Variants in HHAT observed in about 807,000 individuals in gnomAD.
HHAT encodes protein-cysteine N-palmitoyltransferase HHAT.
In HHAT, 47 loss-of-function variants were observed where a neutral mutation model predicts 70.8. The observed-to-expected ratio is 0.66, with a 90% CI of 0.53 to 0.85. HHAT has a LOEUF of 0.85. Among genes scored for constraint, HHAT ranks in the 40% least tolerant of loss-of-function variants. The probability of loss-of-function intolerance (pLI) is 0.00; values close to 1 mark genes in which losing one functional copy is unlikely to be tolerated. For synonymous variants in HHAT, 228 were observed against 247.6 expected (o/e 0.92, Z 0.74); for missense variants, 609 against 604.8 (o/e 1.01, Z -0.07).
At chr1:210,571,471 A>G (rs1382646823) in intron 9 of HHAT, among the ~76,000 whole-genome samples, 2 of 152,072 alleles carry the variant, frequency 1.3e-5, no homozygotes, top group Non-Finnish European at 1.5e-5. Flanking sequence ...CACATCTTTC[A>G]TTTGGACCCA....
At chr1:210,370,053 C>G (rs55704833) in intron 3 of HHAT, among the ~76,000 whole-genome samples, 1 of 151,794 alleles carries the variant, frequency 6.6e-6, no homozygotes, top group East Asian at 1.9e-4. Flanking sequence ...TCTTCTTTCT[C>G]TTCTCTCTCT....
chr1:210,674,414 C>A lies in HHAT; in HGVS notation c.*35C>A. ...GCCCAGGCCAGTCCTTGTTGCTGGCCTCCAAGGCAAATAGTGCTTCACCCT... is the reference window on the plus strand; with the variant it reads ...GCCCAGGCCAGTCCTTGTTGCTGGCATCCAAGGCAAATAGTGCTTCACCCT... On this transcript the variant is annotated 3_prime_UTR_variant, in exon 12 of 12. Transcript: ENST00000261458. The A allele has an allele frequency of 6.4e-7, 1 of 1,552,004 alleles. No homozygotes were observed. Among genetic ancestry groups the A allele is most frequent in the Non-Finnish European group, 8.9e-7 (1 of 1,124,436 alleles).
At chr1:210,514,834 T>C (rs2095027388) in intron 9 of HHAT, among the ~76,000 whole-genome samples, 1 of 152,234 alleles carries the variant, frequency 6.6e-6, no homozygotes, top group African/African-American at 2.4e-5. Flanking sequence ...AGACATTTGA[T>C]TTGAAGCTTT....
At chr1:210,380,034 G>C (rs1292013941) in intron 3 of HHAT, among the ~76,000 whole-genome samples, 1 of 152,092 alleles carries the variant, frequency 6.6e-6, no homozygotes, top group African/African-American at 2.4e-5. Context: ...CTCCACTTTT[G>C]GTATCTCTTC....
chr1:210,403,692 CATAA>C (rs1308227211), intron 5 of HHAT, among the ~76,000 whole-genome samples: 2 of 152,112 alleles, frequency 1.3e-5, no homozygotes, highest in African/African-American at 4.8e-5. Flanking sequence ...TATGTATTTC[CATAA>C]ATAGTTTTTC....
chr1:210,431,453 C>T (rs1160897175), intron 7 of HHAT, among the ~76,000 whole-genome samples: 1 of 151,782 alleles, frequency 6.6e-6, no homozygotes, highest in East Asian at 1.9e-4. Flanking sequence ...TTCCAAACAG[C>T]TCAAGTATAT....
At chr1:210,565,979 G>A (rs1175923524) in intron 9 of HHAT, among the ~76,000 whole-genome samples, 3 of 152,154 alleles carry the variant, frequency 2.0e-5, no homozygotes, top group Non-Finnish European at 2.9e-5. Context: ...ACTATAGGGG[G>A]TCATTCTTGG....
chr1:210,476,638 A>G (rs1300827232), intron 8 of HHAT, among the ~76,000 whole-genome samples: 1 of 152,194 alleles, frequency 6.6e-6, no homozygotes, highest in African/African-American at 2.4e-5. Context: ...GCAAAATACC[A>G]CTGAACTTCC....
intron 9 of HHAT, among the ~76,000 whole-genome samples, chr1:210,570,780 T>G (rs932411083): frequency 6.6e-6 from 1 of 152,176 alleles, no homozygotes; most frequent in East Asian, 1.9e-4. Context: ...AAGGCAGTGC[T>G]GTCAAGTCAT....
chr1:210,344,490 T>C (rs2086330194), intron 1 of HHAT, among the ~76,000 whole-genome samples: 1 of 152,142 alleles, frequency 6.6e-6, no homozygotes. Context: ...CTGAGTGTCC[T>C]ATTAAGTTTT....
intron 10 of HHAT, among the ~76,000 whole-genome samples, chr1:210,614,508 C>T (rs999830290): frequency 6.6e-6 from 1 of 152,062 alleles, no homozygotes; most frequent in Non-Finnish European, 1.5e-5. Flanking sequence ...GTGTGCTGCA[C>T]CCATTAACTC....
Position 210,404,654 on chromosome 1 carries a change from T to G in HHAT, c.659T>G (p.Leu220Arg). The G allele has an allele frequency of 6.2e-7, 1 of 1,614,048 alleles. No individual in the cohort carries two copies. Among genetic ancestry groups the G allele is most frequent in the Non-Finnish European group, 8.5e-7 (1 of 1,179,934 alleles). ...CCAGTCTTACACAATGGGCCCATCC[T>G]CAGCTTCTCGGAGTTCATCAAACAG... ...YYPVLHNGPILSFSEFIKQMQ... is the reference protein window; with the variant it reads ...YYPVLHNGPIRSFSEFIKQMQ... The change falls in exon 6 of 12, where the codon CTC becomes CGC. Residue 220 changes from leucine (L) to arginine (R), a missense_variant. Physicochemically the swap from Leu to Arg is moderately radical, Grantham distance 102. Transcript: ENST00000261458.
intron 8 of HHAT, among the ~76,000 whole-genome samples, chr1:210,465,896 G>C (rs1355836109): frequency 6.7e-6 from 1 of 149,718 alleles, no homozygotes; most frequent in Non-Finnish European, 1.5e-5. Flanking sequence ...TGCAAGGAAT[G>C]AATTGCAAGG....
intron 5 of HHAT, among the ~76,000 whole-genome samples, chr1:210,401,608 C>A (rs1221143284): frequency 6.6e-6 from 1 of 152,202 alleles, no homozygotes; most frequent in African/African-American, 2.4e-5. Flanking sequence ...AACCTCACTT[C>A]TTTAGGGCTT....
intron 5 of HHAT, 146 bp downstream of exon 5, chr1:210,400,808 A>G (rs899736838): frequency 2.9e-5 from 20 of 693,506 alleles, no homozygotes; most frequent in Non-Finnish European, 4.8e-5. Flanking sequence ...GGTTGCTACA[A>G]GTGAACCCTA....
chr1:210,371,198 T>C (rs2089542911), intron 3 of HHAT, among the ~76,000 whole-genome samples: 1 of 152,146 alleles, frequency 6.6e-6, no homozygotes, highest in African/African-American at 2.4e-5. Context: ...ATTGCCTGTG[T>C]TAGAGTGCAG....
chr1:210,429,182 T>G (rs2093168859), intron 7 of HHAT, among the ~76,000 whole-genome samples: 1 of 151,866 alleles, frequency 6.6e-6, no homozygotes, highest in African/African-American at 2.4e-5. Flanking sequence ...GGATCTACCA[T>G]GTAGATCCAA....
chr1:210,560,814 TAAAAAAAAAAAAAAAAAAAAAA>T (rs60192211), intron 9 of HHAT, among the ~76,000 whole-genome samples: 5 of 28,470 alleles, frequency 1.8e-4, no homozygotes, highest in Admixed American at 8.9e-4. Flanking sequence ...CCCTGTGTCT[TAAAAAAAAAAAAAAAAAAAAAA>T]AAAAAAAAAA....
intron 6 of HHAT, among the ~76,000 whole-genome samples, chr1:210,415,335 G>A (rs1017717552): frequency 1.3e-5 from 2 of 152,098 alleles, no homozygotes; most frequent in African/African-American, 4.8e-5. Context: ...GACTTCGTAG[G>A]GTCTCTCAGA....
Sources: gnomAD v4.1 joint callset for allele counts (sites outside exome capture counted in the v4.1 genomes callset) on GRCh38, gnomAD v4.1.1 for gene constraint, MANE v1.5 for transcripts, NCBI Gene and HGNC (gene_info 2026-07-23, HGNC 2026-07-21) for gene names.